Variants in MROH2A observed in about 807,000 individuals in gnomAD.
MROH2A encodes the protein maestro heat like repeat family member 2A, also known as maestro heat-like repeat-containing protein family member 2A.
In MROH2A, 174 loss-of-function variants were observed where a neutral mutation model predicts 200.4. The observed-to-expected ratio is 0.87, with a 90% CI of 0.77 to 0.98. MROH2A has a LOEUF of 0.98. Ranked by LOEUF, MROH2A falls within the 50% of genes least tolerant of loss-of-function variation. The pLI, the probability that MROH2A is intolerant of heterozygous loss-of-function variation, is 0.00. For synonymous variants in MROH2A, 829 were observed against 840.4 expected (o/e 0.99, Z 0.23); for missense variants, 2,045 against 2,139.6 (o/e 0.96, Z 0.87).
rs1375630744 is a variant in MROH2A at position 233,787,732 on chromosome 2, T to A, written c.277-1765T>A. Among the ~76,000 whole-genome samples, 31 of 57,620 alleles carry A rather than the reference T, an allele frequency of 5.4e-4. 6 individuals carry two copies. Among genetic ancestry groups the A allele is most frequent in the African/African-American group, 2.2e-3 (28 of 12,900 alleles). The allele number at this position is 57,620 out of a possible 152,430, so 37.8% of individuals were successfully genotyped here. On this transcript the variant is annotated intron_variant, in intron 3 of 41. Transcript: ENST00000389758. ...ACATATATATTATATATATCATATA[T>A]ACATATATATTATATATATTATATA...
chr2:233,799,771 T>C lies in MROH2A; in HGVS notation c.1330-9T>C. ...AACCCCCAGCATGTCCACGGTCCTG[T>C]CCCCTCAGGTGAGGATGGCTATTCT... On this transcript the variant is annotated splice_polypyrimidine_tract_variant and intron_variant, in intron 12 of 41. Transcript: ENST00000389758. 1.3e-6 allele frequency: 2 copies of C among 1,550,306 alleles called. No individual in the cohort carries two copies. The highest frequency in any genetic ancestry group is 1.7e-6 in the Non-Finnish European group (2 of 1,146,932).
intron 2 of MROH2A, 87 bp from the exon 3 acceptor site, chr2:233,779,584 C>A: frequency 1.4e-6 from 2 of 1,448,378 alleles, no homozygotes; most frequent in Non-Finnish European, 9.4e-7. Context: ...GCTGGAGCTG[C>A]GCAGGTGGAG....
At chr2:233,810,418 G>A (rs11688580) in intron 22 of MROH2A, among the ~76,000 whole-genome samples, 74,695 of 152,092 alleles carry the variant, frequency 0.49, 18,573 homozygotes, top group South Asian at 0.56. Flanking sequence ...CTTATTCACT[G>A]TCATGAGAAT....
chr2:233,816,909 C>G, intron 27 of MROH2A, 24 bp downstream of exon 27: 1 of 1,389,594 alleles, frequency 7.2e-7, no homozygotes. Flanking sequence ...TCCCCAGCCC[C>G]CAGCCTGCTG....
In MROH2A at chr2:233,820,783, AAG is replaced by A. The variant is rs943689338; in HGVS notation, c.3512+730_3512+731del. Among the ~76,000 whole-genome samples the A allele has an allele frequency of 6.6e-6, 1 of 152,168 alleles. No individual in the cohort carries two copies. Among genetic ancestry groups the A allele is most frequent in the Non-Finnish European group, 1.5e-5 (1 of 68,034 alleles). ...TAAGTAAGAGGCTTGGAACAGAGAA[AAG>A]AGTTTTAAAAATAGGCCCCGGCTCC... On this transcript the variant is annotated intron_variant, in intron 31 of 41. Transcript: ENST00000389758. The surrounding 1 kb of genome is among the most constrained non-coding windows in gnomAD (Gnocchi z 4.1).
At chr2:233,788,704 G>A (rs951993413) in intron 3 of MROH2A, among the ~76,000 whole-genome samples, 5 of 152,002 alleles carry the variant, frequency 3.3e-5, no homozygotes, top group East Asian at 1.9e-4. Context: ...TTGGGAGGCC[G>A]AGGCCGGCAG....
intron 3 of MROH2A, among the ~76,000 whole-genome samples, chr2:233,783,771 C>T (rs1006471328): frequency 6.6e-6 from 1 of 152,134 alleles, no homozygotes; most frequent in South Asian, 2.1e-4. Context: ...AACTCCTGAC[C>T]TCAAGTGATC....
chr2:233,777,993 C>A (rs936383829), upstream of MROH2A, among the ~76,000 whole-genome samples: 1 of 152,144 alleles, frequency 6.6e-6, no homozygotes, highest in African/African-American at 2.4e-5. Flanking sequence ...CTCCCCAGGG[C>A]CTCTCAGTCT....
At position 233,807,697 on chromosome 2, in the gene MROH2A, C is replaced by T. The variant is rs1702893638; in HGVS notation, c.2173-36C>T. On this transcript the variant is annotated intron_variant, in intron 20 of 41. Coordinates refer to ENST00000389758, the MANE Select transcript of MROH2A (RefSeq NM_001394639.1). The surrounding 1 kb of genome is among the most constrained non-coding windows in gnomAD (Gnocchi z 4.3). ...TGGGATCCTCCTCTGCCCACTGGCC[C>T]CTGCCCTCACCCTGGCTGGCTGGGT... The T allele has an allele frequency of 5.8e-6, 9 of 1,550,560 alleles. No individual in the cohort carries two copies. Among genetic ancestry groups the T allele is most frequent in the Non-Finnish European group, 7.8e-6 (9 of 1,146,964 alleles).
At chr2:233,822,746 C>T in intron 33 of MROH2A, 135 bp from the exon 34 acceptor site, 2 of 1,240,528 alleles carry the variant, frequency 1.6e-6, no homozygotes, top group Admixed American at 2.3e-5. Flanking sequence ...GATCCACTCC[C>T]TCCCTGGACC....
chr2:233,820,083 G>C lies in MROH2A; in HGVS notation c.3512+27G>C. On this transcript the variant is annotated intron_variant, in intron 31 of 41. Coordinates refer to ENST00000389758, the MANE Select transcript of MROH2A (RefSeq NM_001394639.1). The surrounding 1 kb of genome is among the most constrained non-coding windows in gnomAD (Gnocchi z 4.1). Reference sequence around the variant, plus strand: ...TGGGTGCCCTGGAGGAGGTGGCCCCGGCCTCCTGTGCCATTTGACCATGCC... The same window carrying C: ...TGGGTGCCCTGGAGGAGGTGGCCCCCGCCTCCTGTGCCATTTGACCATGCC... 6.7e-7 allele frequency: 1 copy of C among 1,486,588 alleles called. No homozygotes were observed. Among genetic ancestry groups the C allele is most frequent in the Non-Finnish European group, 9.0e-7 (1 of 1,109,818 alleles). 92.1% of individuals were successfully genotyped at this position (1,486,588 alleles called of 1,614,324 possible).
chr2:233,820,403 T>G lies in MROH2A; in HGVS notation c.3512+347T>G, dbSNP rs1235057633. Among the ~76,000 whole-genome samples, 1 of 152,162 alleles carries G rather than the reference T, an allele frequency of 6.6e-6. No homozygotes were observed. Among genetic ancestry groups the G allele is most frequent in the Non-Finnish European group, 1.5e-5 (1 of 68,010 alleles). Reference sequence around the variant, plus strand: ...GGCTGCAGGGTGCGGCTCCAAGGCATGAGCAAGCCCTGGATATATTCCAGG... The same window carrying G: ...GGCTGCAGGGTGCGGCTCCAAGGCAGGAGCAAGCCCTGGATATATTCCAGG... On this transcript the variant is annotated intron_variant, in intron 31 of 41. Transcript: ENST00000389758. The surrounding 1 kb of genome is among the most constrained non-coding windows in gnomAD (Gnocchi z 4.1).
At chr2:233,795,881 A>G (rs1702072776) in intron 9 of MROH2A, 86 bp from the exon 10 acceptor site, 2 of 1,530,454 alleles carry the variant, frequency 1.3e-6, no homozygotes, top group Non-Finnish European at 1.8e-6. Flanking sequence ...TGTGGTGCCC[A>G]TGCAGCCCCA....
At chr2:233,799,136 A>G (rs1436882634) in intron 12 of MROH2A, among the ~76,000 whole-genome samples, 2 of 152,144 alleles carry the variant, frequency 1.3e-5, no homozygotes, top group Non-Finnish European at 2.9e-5. Flanking sequence ...CTTGGCTGTC[A>G]AGGGTTTTGT....
chr2:233,791,033 G>C (rs1701728384), intron 5 of MROH2A, among the ~76,000 whole-genome samples: 1 of 152,186 alleles, frequency 6.6e-6, no homozygotes, highest in Non-Finnish European at 1.5e-5. Flanking sequence ...ATTCCACACG[G>C]AGAGAACATT....
At chr2:233,824,530 G>A (rs1304568372) in intron 35 of MROH2A, among the ~76,000 whole-genome samples, 5 of 152,198 alleles carry the variant, frequency 3.3e-5, no homozygotes, top group Admixed American at 3.3e-4. Context: ...GCCTGAGTTT[G>A]GAATTTTCAG....
rs756092503 is a variant in MROH2A at position 233,822,512 on chromosome 2, G to A, written c.3822G>A (p.Lys1274=). The change falls in exon 33 of 42, where the codon AAG becomes AAA. Residue 1274 remains lysine (K), a synonymous_variant. Coordinates refer to ENST00000389758, the MANE Select transcript of MROH2A (RefSeq NM_001394639.1). ...CCCCGCCGGTCTTGAAGATGTGGAAGCTGGTCCACACCACTCCTCTGCCGG... is the reference window on the plus strand; with the variant it reads ...CCCCGCCGGTCTTGAAGATGTGGAAACTGGTCCACACCACTCCTCTGCCGG... ...EAAPPVLKMW[K]LVHTTPLPEE... is the part of the protein sequence containing the mutation. 3.9e-6 allele frequency: 6 copies of A among 1,550,602 alleles called. No individual in the cohort carries two copies. The highest frequency in any genetic ancestry group is 5.2e-6 in the Non-Finnish European group (6 of 1,147,040).
At chr2:233,831,290 CCTTT>C (rs981136452) in intron 38 of MROH2A, 115 bp from the exon 39 acceptor site, 89 of 1,300,700 alleles carry the variant, frequency 6.8e-5, no homozygotes, top group Admixed American at 3.3e-4. Flanking sequence ...ACCAGCCCTG[CCTTT>C]CTTTGGCTTG....
chr2:233,785,153 A>T (rs1365786785), intron 3 of MROH2A, among the ~76,000 whole-genome samples: 3 of 151,926 alleles, frequency 2.0e-5, no homozygotes, highest in Non-Finnish European at 1.5e-5. Flanking sequence ...CTCAAAAAAA[A>T]AAAAATGTAG....
Sources: allele counts gnomAD v4.1 joint callset (sites outside exome capture counted in the v4.1 genomes callset), GRCh38; gene constraint gnomAD v4.1.1; non-coding constraint Gnocchi (gnomAD v3.1); transcripts MANE v1.5; gene names NCBI Gene and HGNC (gene_info 2026-07-23, HGNC 2026-07-21).